The following VRK2 variants were observed in gnomAD, a reference collection of about 807,000 sequenced individuals.
The protein encoded by VRK2 is serine/threonine-protein kinase VRK2.
A neutral mutation model predicts 57.6 loss-of-function variants in VRK2; 60 were observed. The ratio of observed to expected loss-of-function variants is 1.04; its 90% CI spans 0.85 to 1.29. VRK2 has a LOEUF of 1.29. Among genes scored for constraint, VRK2 ranks in the 50% most tolerant of loss-of-function variants. VRK2 has a pLI of 0.00. For missense variants in VRK2, 705 were observed against 588.1 expected, an observed-to-expected ratio of 1.20 and a Z score of -2.06; for synonymous variants, 231 against 199.2, an observed-to-expected ratio of 1.16 and a Z score of -1.35.
chr2:58,130,541 G>C (rs1410056435), intron 8 of VRK2, among the ~76,000 whole-genome samples: 1 of 152,198 alleles, frequency 6.6e-6, no homozygotes, highest in Admixed American at 6.5e-5. Context: ...TAGAGTGTAA[G>C]AGCTAATCAT....
At chr2:58,011,115 T>C (rs1162366045) in intron 1 of VRK2, among the ~76,000 whole-genome samples, 1 of 152,168 alleles carries the variant, frequency 6.6e-6, no homozygotes, top group Non-Finnish European at 1.5e-5. Context: ...TTTAAAAATA[T>C]ATATATTTAA....
At chr2:57,922,443 T>C (rs1414675172) in intron 1 of VRK2, among the ~76,000 whole-genome samples, 2 of 137,384 alleles carry the variant, frequency 1.5e-5, no homozygotes, top group Non-Finnish European at 3.1e-5. Context: ...TCACCTCACA[T>C]AGTTACCTTC....
rs1347707584 is a variant in VRK2 at position 58,123,182 on chromosome 2, G to C, written c.625G>C (p.Gly209Arg). ...ACAGTATCAGGAAAATCCTAGAAAA[G>C]GCCATAATGGGACAATAGAGTTTAC... ...HKQYQENPRK[G>R]HNGTIEFTSL... is the part of the protein sequence containing the mutation. The change falls in exon 8 of 13, where the codon GGC becomes CGC. Residue 209 changes from glycine to arginine, a missense_variant. By Grantham distance (125) the Gly-to-Arg change is moderately radical. Transcript: ENST00000340157. The C allele has an allele frequency of 1.9e-6, 3 of 1,594,464 alleles. No individual in the cohort carries two copies. The highest frequency in any genetic ancestry group is 1.4e-5 in the African/African-American group (1 of 73,070).
At chr2:58,018,152 C>T (rs1673642854) in intron 1 of VRK2, 1 of 152,136 alleles carries the variant, frequency 6.6e-6, no homozygotes, top group African/African-American at 2.4e-5. Flanking sequence ...GCCACCAATC[C>T]TGGCTAATTT....
intron 1 of VRK2, among the ~76,000 whole-genome samples, chr2:57,954,434 G>A (rs1387914678): frequency 2.0e-5 from 3 of 152,058 alleles, no homozygotes; most frequent in Non-Finnish European, 2.9e-5. Flanking sequence ...CATTCAGTTA[G>A]CACCAGACTC....
At chr2:58,110,244 T>C (rs960085773) in intron 7 of VRK2, among the ~76,000 whole-genome samples, 2 of 152,208 alleles carry the variant, frequency 1.3e-5, no homozygotes, top group Non-Finnish European at 2.9e-5. Context: ...TGTCATAAAT[T>C]GGGGAGAACA....
chr2:58,032,872 T>C (rs541289859), intron 2 of VRK2, among the ~76,000 whole-genome samples: 2 of 152,210 alleles, frequency 1.3e-5, no homozygotes, highest in East Asian at 3.9e-4. Flanking sequence ...CCATGAATCC[T>C]AGCTTCTGCT....
intron 2 of VRK2, among the ~76,000 whole-genome samples, chr2:58,075,100 T>C (rs1157603896): frequency 6.6e-6 from 1 of 152,120 alleles, no homozygotes; most frequent in Non-Finnish European, 1.5e-5. Context: ...TGTGTCCATG[T>C]GTACTCAGTG....
intron 1 of VRK2, among the ~76,000 whole-genome samples, chr2:57,967,628 C>T (rs532629325): frequency 6.6e-6 from 1 of 151,880 alleles, no homozygotes; most frequent in Non-Finnish European, 1.5e-5. Context: ...AACTGACCTA[C>T]GTTCTAGTGT....
At chr2:57,926,998 T>TTGTGTGTGTGTG (rs57943937) in intron 1 of VRK2, among the ~76,000 whole-genome samples, 3,350 of 142,618 alleles carry the variant, frequency 0.023, 60 homozygotes, top group Middle Eastern at 0.026. Flanking sequence ...TTTTAATTTC[T>TTGTGTGTGTGTG]TGTGTGTGTG....
At chr2:57,993,896 G>A (rs769645542) in intron 1 of VRK2, among the ~76,000 whole-genome samples, 19 of 152,154 alleles carry the variant, frequency 1.2e-4, no homozygotes, top group Non-Finnish European at 1.9e-4. Flanking sequence ...GCAGGTTGGA[G>A]GGTAAATTTC....
chr2:57,962,774 A>C (rs1472643577), intron 1 of VRK2, among the ~76,000 whole-genome samples: 2 of 152,196 alleles, frequency 1.3e-5, no homozygotes, highest in East Asian at 1.9e-4. Flanking sequence ...AAAATTCCTA[A>C]ACCTAATTTT....
intron 1 of VRK2, among the ~76,000 whole-genome samples, chr2:57,974,746 A>T (rs532863611): frequency 6.6e-6 from 1 of 151,966 alleles, no homozygotes; most frequent in South Asian, 2.1e-4. Context: ...ACATACATCA[A>T]AGGAAATCAA....
intron 1 of VRK2, among the ~76,000 whole-genome samples, chr2:58,009,326 T>C (rs1673349067): frequency 6.6e-6 from 1 of 151,820 alleles, no homozygotes; most frequent in Non-Finnish European, 1.5e-5. Flanking sequence ...AAAAATAAAC[T>C]AGTGTCTGAG....
chr2:58,015,107 T>C (rs569763968), intron 1 of VRK2, among the ~76,000 whole-genome samples: 23 of 152,294 alleles, frequency 1.5e-4, no homozygotes, highest in Middle Eastern at 3.4e-3. Flanking sequence ...GTAGTGGCTA[T>C]ATTCAAATTT....
chr2:58,029,903 G>T (rs182044712), intron 2 of VRK2, among the ~76,000 whole-genome samples: 2 of 152,214 alleles, frequency 1.3e-5, no homozygotes, highest in East Asian at 3.9e-4. Context: ...TTATTGGCAT[G>T]CCATATTTTC....
intron 8 of VRK2, among the ~76,000 whole-genome samples, chr2:58,125,264 A>G (rs764206266): frequency 1.5e-4 from 23 of 152,118 alleles, no homozygotes; most frequent in Non-Finnish European, 3.2e-4. Flanking sequence ...TTGTGTTGGT[A>G]TGGTCAGTGT....
intron 11 of VRK2, among the ~76,000 whole-genome samples, chr2:58,142,700 A>C (rs1681520447): frequency 6.6e-6 from 1 of 151,880 alleles, no homozygotes. Flanking sequence ...GGTGAGCTAA[A>C]GCTCTAGAAT....
chr2:58,034,287 C>T (rs1264769055), intron 3 of VRK2, among the ~76,000 whole-genome samples: 1 of 151,922 alleles, frequency 6.6e-6, no homozygotes, highest in Non-Finnish European at 1.5e-5. Context: ...TGTTTTGGGG[C>T]CTTAGCAAAT....
Sources: gnomAD v4.1 joint callset for allele counts (sites outside exome capture counted in the v4.1 genomes callset) on GRCh38, gnomAD v4.1.1 for gene constraint, MANE v1.5 for transcripts, NCBI Gene and HGNC (gene_info 2026-07-23, HGNC 2026-07-21) for gene names.